Variants in CLEC4D observed in about 807,000 individuals in gnomAD.
CLEC4D encodes the protein C-type (calcium dependent, carbohydrate-recognition domain) lectin, superfamily member 8.
A neutral mutation model predicts 21.1 loss-of-function variants in CLEC4D; 21 were observed. That is an observed-to-expected ratio of 1.00 (90% CI 0.71 to 1.43). The LOEUF is 1.43. Among genes scored for constraint, CLEC4D ranks in the 40% most tolerant of loss-of-function variants. The pLI is 0.00. For synonymous variants in CLEC4D, 85 were observed against 83.1 expected (o/e 1.02, Z -0.12); for missense variants, 289 against 260.7 (o/e 1.11, Z -0.75).
downstream of CLEC4D, among the ~76,000 whole-genome samples, chr12:8,526,407 T>G (rs1940505643): frequency 6.6e-6 from 1 of 152,146 alleles, no homozygotes; most frequent in African/African-American, 2.4e-5. Context: ...TTTTCTCTAT[T>G]CTTGTCTGCA....
At chr12:8,519,667 A>G (rs1277983944) in intron 4 of CLEC4D, among the ~76,000 whole-genome samples, 56 of 152,238 alleles carry the variant, frequency 3.7e-4, no homozygotes, top group Non-Finnish European at 1.5e-5. Flanking sequence ...AGGATAAAGT[A>G]CAGGAAAACT....
chr12:8,514,370 C>A (rs1940348221), intron 1 of CLEC4D, among the ~76,000 whole-genome samples: 1 of 151,982 alleles, frequency 6.6e-6, no homozygotes, highest in African/African-American at 2.4e-5. Context: ...TACAGAATAT[C>A]ATTGTGTGAA....
In CLEC4D at chr12:8,519,101, G is replaced by A. The variant is rs199971365; in HGVS notation, c.325G>A (p.Glu109Lys). The change falls in exon 4 of 6, where the codon GAA (glutamate) becomes AAA (lysine). Residue 109 changes from glutamate (E) to lysine (K), a missense_variant. By Grantham distance (56) the Glu-to-Lys change is moderately conservative. Coordinates refer to ENST00000299665, the MANE Select transcript of CLEC4D (RefSeq NM_080387.5). ...LTDNKTWAESERNCSGMGAHL... is the reference protein window; with the variant it reads ...LTDNKTWAESKRNCSGMGAHL... ...TGACAACAAGACGTGGGCTGAGAGT[G>A]AAAGGAACTGTTCAGGGATGGGGGC... The A allele has an allele frequency of 3.3e-5, 53 of 1,614,046 alleles. No individual in the cohort carries two copies. The highest frequency in any genetic ancestry group is 4.1e-5 in the Non-Finnish European group (48 of 1,180,024).
chr12:8,514,332 T>C (rs1464399617), intron 1 of CLEC4D, among the ~76,000 whole-genome samples: 1 of 152,142 alleles, frequency 6.6e-6, no homozygotes, highest in African/African-American at 2.4e-5. Flanking sequence ...CATCAATATA[T>C]ACTGATTACA....
chr12:8,513,622 A>G lies in CLEC4D; in HGVS notation c.-111A>G, dbSNP rs1348559021. On this transcript the variant is annotated 5_prime_UTR_variant, in exon 1 of 6. Coordinates refer to ENST00000299665, the MANE Select transcript of CLEC4D (RefSeq NM_080387.5). ...CTACAATATGTAACATTGGTGTTCGATCTCAAGTATTTCTGAATATATTCC... is the reference window on the plus strand; with the variant it reads ...CTACAATATGTAACATTGGTGTTCGGTCTCAAGTATTTCTGAATATATTCC... 7 of 650,228 alleles carry G rather than the reference A, an allele frequency of 1.1e-5. No homozygotes were observed. The East Asian group carries it at 1.8e-4, about 16-fold the overall frequency. The allele number at this position is 650,228 out of a possible 1,614,324, so 40.3% of individuals were successfully genotyped here.
chr12:8,515,472 G>C lies in CLEC4D; in HGVS notation c.121+144G>C, dbSNP rs75989743. The C allele has an allele frequency of 4.1e-3, 2,196 of 534,080 alleles. 37 individuals carry two copies. The highest frequency in any genetic ancestry group is 0.034 in the African/African-American group (1,741 of 51,768). 33.1% of individuals were successfully genotyped at this position (534,080 alleles called of 1,614,324 possible). ...TTCAGGGTCTTGCACTGAATATTCA[G>C]AGCTACATTCTTGACCTTCTGTCTT... On this transcript the variant is annotated intron_variant, in intron 2 of 5. Transcript: ENST00000299665.
chr12:8,529,303 C>A, the CLEC4D span, among the ~76,000 whole-genome samples: 1 of 151,992 alleles, frequency 6.6e-6, no homozygotes, highest in Non-Finnish European at 1.5e-5. Context: ...TATGTCAGTA[C>A]GCAGAAAGCT....
chr12:8,530,698 G>A, the CLEC4D span, among the ~76,000 whole-genome samples: 1 of 151,974 alleles, frequency 6.6e-6, no homozygotes. Flanking sequence ...GTACTGGATA[G>A]CTCAGTGTTT....
chr12:8,519,045 C>G lies in CLEC4D; in HGVS notation c.269C>G (p.Ala90Gly), dbSNP rs369634533. 2 of 1,614,082 alleles carry G rather than the reference C, an allele frequency of 1.2e-6. No individual in the cohort carries two copies. The highest frequency in any genetic ancestry group is 1.7e-6 in the Non-Finnish European group (2 of 1,179,986). The change falls in exon 4 of 6, where the codon GCC (alanine) becomes GGC (glycine). Residue 90 changes from alanine (A) to glycine (G), a missense_variant. Transcript: ENST00000299665. ...TWNCCPIDWR[A>G]FQSNCYFPLT... is the part of the protein sequence containing the mutation. The stretch of plus-strand genomic sequence containing the variant: ...AACTGTTGTCCTATTGACTGGAGAG[C>G]CTTCCAGTCCAACTGCTATTTTCCT...
downstream of CLEC4D, among the ~76,000 whole-genome samples, chr12:8,526,920 GT>G (rs1206602831): frequency 1.3e-5 from 2 of 151,794 alleles, no homozygotes; most frequent in Non-Finnish European, 2.9e-5. Flanking sequence ...TCACTTTCTG[GT>G]TTTTTTTCTT....
At chr12:8,521,048 T>C (rs944949029) in intron 5 of CLEC4D, 76 bp from the exon 6 acceptor site, 2 of 1,509,928 alleles carry the variant, frequency 1.3e-6, no homozygotes, top group Non-Finnish European at 8.9e-7. Flanking sequence ...CTAATATATC[T>C]ATATCTAATC....
intron 4 of CLEC4D, among the ~76,000 whole-genome samples, chr12:8,519,510 T>C (rs1461341350): frequency 1.3e-5 from 2 of 152,194 alleles, no homozygotes; most frequent in African/African-American, 4.8e-5. Flanking sequence ...CCAGTGACTT[T>C]TACTACGTGG....
At position 8,522,025 on chromosome 12, in the gene CLEC4D, G is replaced by C. The variant is rs1940465431; in HGVS notation, c.*754G>C. On this transcript the variant is annotated 3_prime_UTR_variant, in exon 6 of 6. Coordinates refer to ENST00000299665, the MANE Select transcript of CLEC4D (RefSeq NM_080387.5). The stretch of plus-strand genomic sequence containing the variant: ...CATTGTTAGTTCATGACAGACCCAG[G>C]TGTGCTTCATTAGAGATAACATACA... The C allele has an allele frequency of 2.6e-5, 4 of 152,114 alleles. No individual in the cohort carries two copies. The highest frequency in any genetic ancestry group is 5.9e-5 in the Non-Finnish European group (4 of 67,998). 9.4% of individuals were successfully genotyped at this position (152,114 alleles called of 1,614,324 possible).
At position 8,518,269 on chromosome 12, in the gene CLEC4D, C is replaced by G. The variant is rs1940410378; in HGVS notation, c.227C>G (p.Ala76Gly). ...AAAGAGAAATCAGAACTGAAAAGTG[C>G]TGAAGGTACAGAGTGTAAGATAATT... ...CIKEKSELKS[A>G]EGSTWNCCPI... The change falls in exon 3 of 6, where the codon GCT becomes GGT. Residue 76 changes from alanine to glycine, a missense_variant. Physicochemically the swap from Ala to Gly is moderately conservative, Grantham distance 60. Coordinates refer to ENST00000299665, the MANE Select transcript of CLEC4D (RefSeq NM_080387.5). 3 of 1,142,378 alleles carry G rather than the reference C, an allele frequency of 2.6e-6. No homozygotes were observed. The highest frequency in any genetic ancestry group is 4.0e-6 in the Non-Finnish European group (3 of 751,698). 70.8% of individuals were successfully genotyped at this position (1,142,378 alleles called of 1,614,324 possible).
At chr12:8,516,857 G>A (rs916872618) in intron 2 of CLEC4D, among the ~76,000 whole-genome samples, 1 of 152,156 alleles carries the variant, frequency 6.6e-6, no homozygotes, top group African/African-American at 2.4e-5. Context: ...CATCTAATAG[G>A]AGTAGAATAG....
the CLEC4D span, among the ~76,000 whole-genome samples, chr12:8,527,819 T>TG: frequency 6.6e-6 from 1 of 152,162 alleles, no homozygotes; most frequent in Non-Finnish European, 1.5e-5. Flanking sequence ...TAGGCCCCGG[T>TG]GGCGTGCGTT....
downstream of CLEC4D, chr12:8,522,380 A>G (rs1396809252): frequency 6.6e-6 from 1 of 152,104 alleles, no homozygotes; most frequent in African/African-American, 2.4e-5. Flanking sequence ...TCAATTTGCT[A>G]ATTTTTCCTG....
Position 8,519,143 on chromosome 12 carries a change from A to G in CLEC4D, c.367A>G (p.Ser123Gly), listed in dbSNP as rs1231017249. 3 of 1,613,862 alleles carry G rather than the reference A, an allele frequency of 1.9e-6. No individual in the cohort carries two copies. Among genetic ancestry groups the G allele is most frequent in the South Asian group, 2.2e-5 (2 of 91,060 alleles). ...GATGGGGGCCCATCTGATGACCATC[A>G]GCACGGAAGCTGAGCAGGTGTGTTG... ...SGMGAHLMTI[S>G]TEAEQNFIIQ... The change falls in exon 4 of 6, where the codon AGC becomes GGC. Residue 123 changes from serine (S) to glycine (G), a missense_variant. Ser to Gly is a moderately conservative substitution (Grantham distance 56, BLOSUM62 0). Transcript: ENST00000299665.
chr12:8,514,004 T>A (rs1209887889), intron 1 of CLEC4D, among the ~76,000 whole-genome samples: 1 of 151,342 alleles, frequency 6.6e-6, no homozygotes, highest in African/African-American at 2.4e-5. Flanking sequence ...AGAAATAAGA[T>A]GAAAAGAAAG....
Sources: allele counts gnomAD v4.1 joint callset (sites outside exome capture counted in the v4.1 genomes callset), GRCh38; gene constraint gnomAD v4.1.1; transcripts MANE v1.5; gene names NCBI Gene and HGNC (gene_info 2026-07-23, HGNC 2026-07-21).